The following PLXNA4 variants were observed in gnomAD, a reference collection of about 807,000 sequenced individuals.
The protein encoded by PLXNA4 is plexin-A4.
A neutral mutation model predicts 191.8 loss-of-function variants in PLXNA4; 44 were observed. The observed-to-expected ratio is 0.23, with a 90% CI of 0.18 to 0.29. The LOEUF is 0.29. Among genes scored for constraint, PLXNA4 ranks in the 10% least tolerant of loss-of-function variants. PLXNA4 has a pLI of 1.00. For missense variants in PLXNA4, 1,800 were observed against 2,488.8 expected (o/e 0.72, Z 5.89); for synonymous variants, 1,082 against 1,009.5 (o/e 1.07, Z -1.36).
intron 25 of PLXNA4, among the ~76,000 whole-genome samples, chr7:132,155,243 C>T (rs998326787): frequency 7.9e-5 from 12 of 152,064 alleles, no homozygotes; most frequent in Non-Finnish European, 1.5e-4. Flanking sequence ...TGCGTGTGAA[C>T]GGAATGGGAG....
intron 31 of PLXNA4, among the ~76,000 whole-genome samples, chr7:132,130,931 G>C (rs561868521): frequency 6.6e-6 from 1 of 152,324 alleles, no homozygotes; most frequent in East Asian, 1.9e-4. Context: ...ACAGCAGCTA[G>C]TTCCATATCC....
At chr7:132,449,290 T>C (rs895727718) in intron 3 of PLXNA4, among the ~76,000 whole-genome samples, 2 of 152,214 alleles carry the variant, frequency 1.3e-5, no homozygotes, top group Non-Finnish European at 2.9e-5. Context: ...TTTTGGTTCT[T>C]AGTAAGCTGG....
chr7:132,182,181 T>C lies in PLXNA4; in HGVS notation c.3168A>G (p.Thr1056=). The change falls in exon 17 of 32, where the codon ACA becomes ACG. Residue 1056 remains threonine, a synonymous_variant. Coordinates refer to ENST00000321063, the MANE Select transcript of PLXNA4 (RefSeq NM_020911.2). ...GGTGGGTCCCCCATACGGCGATGGG[T>C]GTGTTTCCACTGAGCAGGAAGAAAG... ...EPEWSIVSGN[T]PIAVWGTHLD... 1 of 1,614,078 alleles carries C rather than the reference T, an allele frequency of 6.2e-7. No individual in the cohort carries two copies. Among genetic ancestry groups the C allele is most frequent in the Non-Finnish European group, 8.5e-7 (1 of 1,179,990 alleles).
At chr7:132,190,044 C>A (rs1390819575) in intron 14 of PLXNA4, among the ~76,000 whole-genome samples, 2 of 152,210 alleles carry the variant, frequency 1.3e-5, no homozygotes, top group Non-Finnish European at 2.9e-5. Context: ...CCTGTGGCAA[C>A]CTCTGTCATC....
rs1283970726 is a variant in PLXNA4, at chr7:132,210,923, G to C, written c.2298+20C>G. On this transcript the variant is annotated intron_variant, in intron 10 of 31. Transcript: ENST00000321063. ...GGGACTGGGGCCTGGTTTGGCAGTG[G>C]GCAGGGTTGGGCGACTCACAGAGGT... 1 of 1,605,322 alleles carries C rather than the reference G, an allele frequency of 6.2e-7. No individual in the cohort carries two copies. The highest frequency in any genetic ancestry group is 8.5e-7 in the Non-Finnish European group (1 of 1,175,478).
chr7:132,377,900 A>G (rs1405056805), intron 3 of PLXNA4, among the ~76,000 whole-genome samples: 1 of 152,096 alleles, frequency 6.6e-6, no homozygotes, highest in Non-Finnish European at 1.5e-5. Context: ...GAACAGAAAC[A>G]CACACCCACG....
chr7:132,385,210 A>G (rs1805070892), intron 3 of PLXNA4: 4 of 1,614,082 alleles, frequency 2.5e-6, no homozygotes, highest in Non-Finnish European at 3.4e-6. Context: ...ACAGCTGGAG[A>G]ACAGGAGTTC....
intron 5 of PLXNA4, among the ~76,000 whole-genome samples, chr7:132,234,497 G>A (rs1798629900): frequency 6.6e-6 from 1 of 152,166 alleles, no homozygotes; most frequent in Non-Finnish European, 1.5e-5. Flanking sequence ...AATAGACTGG[G>A]AGGGACATTG....
intron 4 of PLXNA4, among the ~76,000 whole-genome samples, chr7:132,245,205 G>T (rs1003459177): frequency 3.3e-5 from 5 of 152,158 alleles, no homozygotes; most frequent in African/African-American, 7.2e-5. Context: ...AGTAAGAGGG[G>T]CGGGGGAGGG....
At chr7:132,422,358 A>G (rs1794879102) in intron 3 of PLXNA4, among the ~76,000 whole-genome samples, 1 of 152,226 alleles carries the variant, frequency 6.6e-6, no homozygotes, top group African/African-American at 2.4e-5. Context: ...TTCTACAGCC[A>G]CAACGGCATT....
chr7:132,589,691 A>G (rs1346991962), intron 2 of PLXNA4, among the ~76,000 whole-genome samples: 1 of 152,238 alleles, frequency 6.6e-6, no homozygotes, highest in Non-Finnish European at 1.5e-5. Flanking sequence ...TGGAGATCAA[A>G]GCTCTTGTGC....
At chr7:132,567,269 G>A (rs1563179488) in intron 1 of PLXNA4, among the ~76,000 whole-genome samples, 1 of 152,076 alleles carries the variant, frequency 6.6e-6, no homozygotes, top group Non-Finnish European at 1.5e-5. Context: ...TCTTTGGAAT[G>A]TTCTGCTAAA....
At chr7:132,486,631 T>TGC (rs1264586759) in intron 3 of PLXNA4, among the ~76,000 whole-genome samples, 3 of 152,238 alleles carry the variant, frequency 2.0e-5, no homozygotes, top group African/African-American at 7.2e-5. Context: ...AACTGACCCT[T>TGC]GCGCTCTTAC....
chr7:132,200,037 C>G (rs1797381686), intron 12 of PLXNA4, among the ~76,000 whole-genome samples: 1 of 152,162 alleles, frequency 6.6e-6, no homozygotes, highest in Non-Finnish European at 1.5e-5. Flanking sequence ...AGCCAGTCCC[C>G]AAAGTGCCAC....
chr7:132,138,590 C>T (rs937791677), intron 30 of PLXNA4, among the ~76,000 whole-genome samples: 7 of 152,138 alleles, frequency 4.6e-5, no homozygotes, highest in Admixed American at 3.3e-4. Flanking sequence ...CTTTGTACCC[C>T]GGTCCCGAAA....
intron 9 of PLXNA4, among the ~76,000 whole-genome samples, chr7:132,211,417 C>A (rs1797796831): frequency 6.6e-6 from 1 of 152,250 alleles, no homozygotes; most frequent in Admixed American, 6.5e-5. Flanking sequence ...CTCTGACACT[C>A]CTGTAGCCTC....
intron 29 of PLXNA4, among the ~76,000 whole-genome samples, chr7:132,142,397 T>A (rs1035440809): frequency 3.9e-5 from 6 of 152,230 alleles, no homozygotes; most frequent in African/African-American, 1.4e-4. Flanking sequence ...ATATTCATTA[T>A]GTGTTTGGCT....
chr7:132,272,736 T>C (rs1800124274), intron 4 of PLXNA4, among the ~76,000 whole-genome samples: 1 of 152,224 alleles, frequency 6.6e-6, no homozygotes, highest in Non-Finnish European at 1.5e-5. Context: ...GACACAGTAA[T>C]GTTTCAAAGT....
At chr7:132,188,991 AAGGAGAGAGAGAGAGAGAGAGAGAGAG>A (rs1796979822) in intron 14 of PLXNA4, among the ~76,000 whole-genome samples, 3 of 42,468 alleles carry the variant, frequency 7.1e-5, no homozygotes, top group Non-Finnish European at 7.9e-5. Context: ...AAGGAAAGGA[AAGGAGAGAGAGAGAGAGAGAGAGAGAG>A]AGAGAGAGAG....
Sources: allele counts gnomAD v4.1 joint callset (sites outside exome capture counted in the v4.1 genomes callset), GRCh38; gene constraint gnomAD v4.1.1; transcripts MANE v1.5; gene names NCBI Gene and HGNC (gene_info 2026-07-23, HGNC 2026-07-21).